The following FANK1 variants were observed in gnomAD, a reference collection of about 807,000 sequenced individuals.
The protein encoded by FANK1 is fibronectin type III and ankyrin repeat domains 1, also known as fibronectin type 3 and ankyrin repeat domains protein 1.
Under a neutral mutation model 45.3 loss-of-function variants are expected in FANK1, and 44 were observed. The ratio of observed to expected loss-of-function variants is 0.97; its 90% CI spans 0.76 to 1.25. FANK1 has a LOEUF of 1.25. Among genes scored for constraint, FANK1 ranks in the 50% most tolerant of loss-of-function variants. The pLI, the probability that FANK1 is intolerant of heterozygous loss-of-function variation, is 0.00. For synonymous variants in FANK1, 149 were observed against 152.5 expected (o/e 0.98, Z 0.17); for missense variants, 391 against 424.4 (o/e 0.92, Z 0.69).
At chr10:125,971,601 A>C (rs906575014) in intron 1 of FANK1, among the ~76,000 whole-genome samples, 1 of 152,056 alleles carries the variant, frequency 6.6e-6, no homozygotes, top group Non-Finnish European at 1.5e-5. Flanking sequence ...CTGGAGAACG[A>C]ACTAATAGTA....
At chr10:125,914,553 A>G (rs1397981534) in intron 1 of FANK1, among the ~76,000 whole-genome samples, 1 of 152,232 alleles carries the variant, frequency 6.6e-6, no homozygotes, top group Non-Finnish European at 1.5e-5. Flanking sequence ...TTTGTTAACC[A>G]TATTTTCATT....
intron 1 of FANK1, among the ~76,000 whole-genome samples, chr10:125,926,458 G>A (rs1947346565): frequency 6.6e-6 from 1 of 152,284 alleles, no homozygotes; most frequent in South Asian, 2.1e-4. Context: ...TCACAAACAC[G>A]TTCCTCACTC....
Position 125,996,552 on chromosome 10 carries a change from G to A in FANK1, c.401G>A (p.Arg134His), listed in dbSNP as rs748738165. The A allele has an allele frequency of 1.1e-5, 17 of 1,613,928 alleles. No homozygotes were observed. The highest frequency in any genetic ancestry group is 2.7e-5 in the African/African-American group (2 of 74,912). ...DLLVRILQGGRVKVDVPNKFG... is the reference protein window; with the variant it reads ...DLLVRILQGGHVKVDVPNKFG... ...CTCTTTTCTCTGCTTTTCCCAAGCC[G>A]TGTTAAGGTTGATGTTCCCAATAAG... Residue 134 changes from arginine to histidine, a missense_variant and splice_region_variant, in exon 5 of 11, where the codon CGT becomes CAT. Arg to His is a conservative substitution (Grantham distance 29). Transcript: ENST00000368693.
intron 3 of FANK1, 146 bp downstream of exon 3, chr10:125,988,821 G>T: frequency 1.6e-6 from 2 of 1,241,958 alleles, no homozygotes; most frequent in Admixed American, 1.8e-5. Flanking sequence ...TTTGCTAGTT[G>T]GGCCTTGCCA....
chr10:125,951,689 T>A (rs1258431399), intron 1 of FANK1, among the ~76,000 whole-genome samples: 1 of 152,232 alleles, frequency 6.6e-6, no homozygotes, highest in Admixed American at 6.5e-5. Flanking sequence ...TTAGTCTCCA[T>A]TGTTTTATAG....
chr10:126,002,066 AC>A lies in FANK1; in HGVS notation c.540-2817del, dbSNP rs1442372320. Among the ~76,000 whole-genome samples, 1,014 of 151,992 alleles carry A rather than the reference AC, an allele frequency of 6.7e-3. 16 individuals carry two copies. The highest frequency in any genetic ancestry group is 0.024 in the African/African-American group (978 of 41,472). ...GGTGGCTCACGCCTGTAATCCCAGCACTTTGGGAGGCTGAGGCAGGCGGATC... is the reference window on the plus strand; with the variant it reads ...GGTGGCTCACGCCTGTAATCCCAGCATTTGGGAGGCTGAGGCAGGCGGATC... On this transcript the variant is annotated intron_variant, in intron 6 of 10. Transcript: ENST00000368693.
intron 8 of FANK1, 49 bp from the exon 9 acceptor site, chr10:126,009,005 G>T: frequency 6.4e-7 from 1 of 1,572,484 alleles, no homozygotes; most frequent in Non-Finnish European, 8.7e-7. Context: ...TGCTGTGTGT[G>T]CCCTGGAGGG....
chr10:125,908,894 A>G (rs1448727334), intron 1 of FANK1, among the ~76,000 whole-genome samples: 2 of 152,306 alleles, frequency 1.3e-5, no homozygotes, highest in East Asian at 3.8e-4. Context: ...CATTTGTTAT[A>G]CAACAATAGC....
rs558259545 is a variant in FANK1, at chr10:125,989,451, T to C, written c.316+776T>C. On this transcript the variant is annotated intron_variant, in intron 3 of 10. Coordinates refer to ENST00000368693, the MANE Select transcript of FANK1 (RefSeq NM_145235.5). ...CCAGGTAGCATTTGGCTTGGAGGTA[T>C]GTGCTTTCCATGGCTTTCAACTGTG... 40 of 1,219,590 alleles carry C rather than the reference T, an allele frequency of 3.3e-5. No homozygotes were observed. In the South Asian group the frequency reaches 5.0e-4, roughly 15 times the overall value. 75.5% of individuals were successfully genotyped at this position (1,219,590 alleles called of 1,614,324 possible).
At position 126,005,145 on chromosome 10, in the gene FANK1, C is replaced by A. The variant is rs892022231; in HGVS notation, c.705+96C>A. 2.3e-5 allele frequency: 33 copies of A among 1,421,388 alleles called. No homozygotes were observed. The Admixed American group carries it at 3.8e-4, about 16-fold the overall frequency. The allele number at this position is 1,421,388 out of a possible 1,614,324, so 88.0% of individuals were successfully genotyped here. On this transcript the variant is annotated intron_variant, in intron 7 of 10. Transcript: ENST00000368693. ...AGAAGCAGGGCCTTTGATTAGCTAA[C>A]CTTAGAAATGCTGGAGAAAGTTTTC...
chr10:125,996,115 G>A (rs532809302), intron 4 of FANK1, among the ~76,000 whole-genome samples: 37 of 152,266 alleles, frequency 2.4e-4, no homozygotes, highest in Admixed American at 3.9e-4. Context: ...GAAGACCTCC[G>A]AAAGGGCTGC....
At chr10:125,966,214 G>T (rs570727486) in intron 1 of FANK1, among the ~76,000 whole-genome samples, 2 of 152,088 alleles carry the variant, frequency 1.3e-5, no homozygotes, top group East Asian at 3.9e-4. Context: ...TTGCACTTAC[G>T]TTACTTACTT....
chr10:125,999,722 A>G (rs1055867503), intron 6 of FANK1, among the ~76,000 whole-genome samples: 2 of 152,130 alleles, frequency 1.3e-5, no homozygotes, highest in Non-Finnish European at 2.9e-5. Context: ...TCTCAGTTTC[A>G]TGTCTGTAAA....
chr10:125,935,239 G>T (rs1948021834), intron 1 of FANK1, among the ~76,000 whole-genome samples: 1 of 152,170 alleles, frequency 6.6e-6, no homozygotes, highest in African/African-American at 2.4e-5. Context: ...TGTAACTGGG[G>T]ATTATCTGAT....
At position 125,952,598 on chromosome 10, in the gene FANK1, A is replaced by G. The variant is rs140688109; in HGVS notation, c.14-27563A>G. 6.3e-3 allele frequency among the ~76,000 whole-genome samples: 950 copies of G among 151,848 alleles called. 14 individuals carry two copies. Among genetic ancestry groups the G allele is most frequent in the African/African-American group, 0.022 (897 of 41,364 alleles). On this transcript the variant is annotated intron_variant, in intron 1 of 10. Transcript: ENST00000368693. ...ACTTCTCTGTGCCTGGAAAATTCCT[A>G]TTTGCATTTTCCAGCAGCTCAGGTG...
chr10:125,964,951 G>C (rs189216713), intron 1 of FANK1, among the ~76,000 whole-genome samples: 46 of 152,310 alleles, frequency 3.0e-4, no homozygotes, highest in Admixed American at 3.0e-3. Context: ...CTGAGGTTGG[G>C]AGTTCGAGAC....
intron 1 of FANK1, among the ~76,000 whole-genome samples, chr10:125,929,043 C>T (rs1053031191): frequency 6.6e-6 from 1 of 152,212 alleles, no homozygotes; most frequent in African/African-American, 2.4e-5. Context: ...CTGTAATAAA[C>T]TTGACAGTAG....
At chr10:125,948,699 A>G (rs1281461891) in intron 1 of FANK1, among the ~76,000 whole-genome samples, 1 of 152,212 alleles carries the variant, frequency 6.6e-6, no homozygotes, top group Admixed American at 6.5e-5. Context: ...GAGGAACTGA[A>G]CTGGTACCAT....
At chr10:125,904,079 C>T (rs1235198737) in intron 1 of FANK1, among the ~76,000 whole-genome samples, 2 of 152,074 alleles carry the variant, frequency 1.3e-5, no homozygotes, top group Non-Finnish European at 2.9e-5. Flanking sequence ...GCTAGTCTTG[C>T]CACTATCCTA....
Sources: gnomAD v4.1 joint callset for allele counts (sites outside exome capture counted in the v4.1 genomes callset) on GRCh38, gnomAD v4.1.1 for gene constraint, MANE v1.5 for transcripts, NCBI Gene and HGNC (gene_info 2026-07-23, HGNC 2026-07-21) for gene names.